The following EFEMP1 variants were observed in gnomAD, a reference collection of about 807,000 sequenced individuals.
EFEMP1 encodes the protein EGF-containing fibulin-like extracellular matrix protein 1.
EFEMP1 carries 18 observed loss-of-function variants against 65.7 expected under a neutral mutation model. That is an observed-to-expected ratio of 0.27 (90% CI 0.19 to 0.41). The LOEUF is 0.41. Ranked by LOEUF, EFEMP1 falls within the 10% of genes least tolerant of loss-of-function variation. The pLI is 1.00. For synonymous variants in EFEMP1, 237 were observed against 219.7 expected (o/e 1.08, Z -0.70); for missense variants, 469 against 624.8 (o/e 0.75, Z 2.66).
At chr2:55,905,725 A>AAAGTGC (rs1670236248) in intron 5 of EFEMP1, among the ~76,000 whole-genome samples, 1 of 152,192 alleles carries the variant, frequency 6.6e-6, no homozygotes, top group East Asian at 1.9e-4. Context: ...CTGGGATTAC[A>AAAGTGC]GGTGTGAGCC....
At position 55,883,745 on chromosome 2, in the gene EFEMP1, G is replaced by T. The variant is rs1410636992; in HGVS notation, c.518-2011C>A. ...TCTTGTTGCTCATTTCTTAGTGTCT[G>T]ATAAATAGGCTAACATTTCCAGTGG... On this transcript the variant is annotated intron_variant, in intron 5 of 11. Coordinates refer to ENST00000355426, the MANE Select transcript of EFEMP1 (RefSeq NM_001039348.3). The surrounding 1 kb of genome is among the most constrained non-coding windows in gnomAD (Gnocchi z 4.5). 2.0e-5 allele frequency among the ~76,000 whole-genome samples: 3 copies of T among 152,098 alleles called. No individual in the cohort carries two copies. The highest frequency in any genetic ancestry group is 7.2e-5 in the African/African-American group (3 of 41,398).
intron 5 of EFEMP1, among the ~76,000 whole-genome samples, chr2:55,900,410 AT>A (rs2104423781): frequency 6.6e-6 from 1 of 151,374 alleles, no homozygotes; most frequent in Admixed American, 6.6e-5. Flanking sequence ...GCACCCATTT[AT>A]CCCACAACCC....
In EFEMP1 at chr2:55,923,691, C is replaced by A; in HGVS notation, c.-49+20G>T. The stretch of plus-strand genomic sequence containing the variant: ...GAGTACTGGGCTCGCTCGGGGCGAC[C>A]CCCCGTTGGGGGCTCCTACCTGTGC... On this transcript the variant is annotated intron_variant, in intron 1 of 11. Transcript: ENST00000355426. This position sits in a 1 kb window ranked among gnomAD's most constrained non-coding sequence, Gnocchi z 5.3. 1 of 985,732 alleles carries A rather than the reference C, an allele frequency of 1.0e-6. No individual in the cohort carries two copies. Among genetic ancestry groups the A allele is most frequent in the East Asian group, 1.1e-4 (1 of 8,762 alleles). The allele number at this position is 985,732 out of a possible 1,614,324, so 61.1% of individuals were successfully genotyped here.
chr2:55,874,731 AT>A (rs1233743893), intron 9 of EFEMP1, among the ~76,000 whole-genome samples: 7 of 152,062 alleles, frequency 4.6e-5, no homozygotes, highest in African/African-American at 1.4e-4. Context: ...TTTTATTAAA[AT>A]TATTTATCTT....
Position 55,877,216 on chromosome 2 carries a change from T to A in EFEMP1, c.761-474A>T, listed in dbSNP as rs546692890. ...TTAAATGGGTTCTGTTAAATTCCAT[T>A]ACAATTATAACATAAGCCTTTGAGA... On this transcript the variant is annotated intron_variant, in intron 7 of 11. Transcript: ENST00000355426. The surrounding 1 kb of genome is among the most constrained non-coding windows in gnomAD (Gnocchi z 4.5). 1.7e-4 allele frequency among the ~76,000 whole-genome samples: 26 copies of A among 152,320 alleles called. No individual in the cohort carries two copies. The South Asian group carries it at 5.4e-3, about 32-fold the overall frequency.
chr2:55,887,428 G>A (rs2104401620), intron 5 of EFEMP1, among the ~76,000 whole-genome samples: 1 of 152,126 alleles, frequency 6.6e-6, no homozygotes, highest in African/African-American at 2.4e-5. Flanking sequence ...CAAGTTTTCT[G>A]TTTCCCTCCC....
intron 5 of EFEMP1, among the ~76,000 whole-genome samples, chr2:55,900,699 T>C (rs115905791): frequency 0.021 from 3,167 of 152,320 alleles, 58 homozygotes; most frequent in South Asian, 0.071. Flanking sequence ...ATCTGGCTAC[T>C]AGAGTATTCT....
intron 5 of EFEMP1, among the ~76,000 whole-genome samples, chr2:55,905,457 G>T (rs913760800): frequency 1.1e-4 from 17 of 151,634 alleles, no homozygotes; most frequent in South Asian, 2.1e-4. Flanking sequence ...ATTCTTTTTT[G>T]TGTGTGTGTG....
chr2:55,881,914 C>G (rs1268662376), intron 5 of EFEMP1, among the ~76,000 whole-genome samples, 180 bp from the exon 6 acceptor site: 1 of 152,092 alleles, frequency 6.6e-6, no homozygotes, highest in East Asian at 1.9e-4. Flanking sequence ...TTTGCAAATA[C>G]CAGTGAGTAC....
chr2:55,876,230 A>C (rs935975111), intron 8 of EFEMP1, among the ~76,000 whole-genome samples: 7 of 152,020 alleles, frequency 4.6e-5, no homozygotes, highest in African/African-American at 1.7e-4. Context: ...CTGAAACTTA[A>C]ATGTGCACAC....
At chr2:55,876,417 C>T (rs1669037310) in intron 8 of EFEMP1, among the ~76,000 whole-genome samples, 1 of 152,128 alleles carries the variant, frequency 6.6e-6, no homozygotes, top group African/African-American at 2.4e-5. Context: ...CAGCCTGCAC[C>T]TAATATTTCA....
At chr2:55,875,773 ATGACAGCTTGGCAGGATC>A (rs770424453) in intron 8 of EFEMP1, among the ~76,000 whole-genome samples, 6 of 152,130 alleles carry the variant, frequency 3.9e-5, no homozygotes, top group Non-Finnish European at 7.4e-5. Flanking sequence ...AGCTTCCAGA[ATGACAGCTTGGCAGGATC>A]TGACTTTCAG....
intron 5 of EFEMP1, among the ~76,000 whole-genome samples, chr2:55,894,449 G>A (rs1419233237): frequency 6.6e-6 from 1 of 152,004 alleles, no homozygotes; most frequent in African/African-American, 2.4e-5. Context: ...TAATAACAAA[G>A]CTTAGAGTTA....
At position 55,904,966 on chromosome 2, in the gene EFEMP1, C is replaced by CTTTTTTTTTTT. The variant is rs796758221; in HGVS notation, c.517+12688_517+12698dup. Among the ~76,000 whole-genome samples the CTTTTTTTTTTT allele has an allele frequency of 1.8e-3, 128 of 70,514 alleles. 2 individuals are homozygous for CTTTTTTTTTTT. Among genetic ancestry groups the CTTTTTTTTTTT allele is most frequent in the South Asian group, 4.3e-3 (8 of 1,852 alleles). The allele number at this position is 70,514 out of a possible 152,430, so 46.3% of individuals were successfully genotyped here. On this transcript the variant is annotated intron_variant, in intron 5 of 11. Transcript: ENST00000355426. The stretch of plus-strand genomic sequence containing the variant: ...TTTCTTCTCTTCTAAGGGATAGTGG[C>CTTTTTTTTTTT]TTTTTTTTTTTTCTTTTTCTTTTTT...
Position 55,877,594 on chromosome 2 carries a change from C to T in EFEMP1, c.760+152G>A, listed in dbSNP as rs1669085631. On this transcript the variant is annotated intron_variant, in intron 7 of 11. Coordinates refer to ENST00000355426, the MANE Select transcript of EFEMP1 (RefSeq NM_001039348.3). The surrounding 1 kb of genome is among the most constrained non-coding windows in gnomAD (Gnocchi z 4.5). The stretch of plus-strand genomic sequence containing the variant: ...TCACATCTTGATGTGTTTTAAGACA[C>T]AGATTGGTTATTATCTTTTAAGCTT... 1 of 1,250,886 alleles carries T rather than the reference C, an allele frequency of 8.0e-7. No individual in the cohort carries two copies. The highest frequency in any genetic ancestry group is 1.5e-5 in the African/African-American group (1 of 66,160). 77.5% of individuals were successfully genotyped at this position (1,250,886 alleles called of 1,614,324 possible). A position where few individuals can be genotyped will look rare whatever the true frequency, so the allele number is the denominator to read the frequency against.
intron 5 of EFEMP1, among the ~76,000 whole-genome samples, chr2:55,901,770 C>G (rs1670044317): frequency 6.6e-6 from 1 of 152,130 alleles, no homozygotes; most frequent in Admixed American, 6.5e-5. Flanking sequence ...TTCCAACGAA[C>G]AGTATATGGC....
intron 5 of EFEMP1, among the ~76,000 whole-genome samples, chr2:55,914,916 A>G (rs909785997): frequency 2.6e-5 from 4 of 152,192 alleles, no homozygotes; most frequent in Non-Finnish European, 5.9e-5. Flanking sequence ...GTTATAAAAT[A>G]TTATTTTGTG....
In EFEMP1 at chr2:55,867,331, A is replaced by G; in HGVS notation, c.1321-97T>C. On this transcript the variant is annotated intron_variant, in intron 11 of 11. Coordinates refer to ENST00000355426, the MANE Select transcript of EFEMP1 (RefSeq NM_001039348.3). The surrounding 1 kb of genome is among the most constrained non-coding windows in gnomAD (Gnocchi z 4.3). Reference sequence around the variant, plus strand: ...TACCTCCTATAAGAATTAGGGGGAGAATTTTGAAGGTGGTATAAAAGAGCC... The same window carrying G: ...TACCTCCTATAAGAATTAGGGGGAGGATTTTGAAGGTGGTATAAAAGAGCC... 7.3e-7 allele frequency: 1 copy of G among 1,375,844 alleles called. No homozygotes were observed. The highest frequency in any genetic ancestry group is 9.9e-7 in the Non-Finnish European group (1 of 1,005,716). 85.2% of individuals were successfully genotyped at this position (1,375,844 alleles called of 1,614,324 possible). A position where few individuals can be genotyped will look rare whatever the true frequency, so the allele number is the denominator to read the frequency against.
chr2:55,888,334 CTTTTT>C (rs71713705), intron 5 of EFEMP1, among the ~76,000 whole-genome samples: 4 of 114,308 alleles, frequency 3.5e-5, no homozygotes, highest in Admixed American at 9.2e-5. Flanking sequence ...CCTTCTTAAA[CTTTTT>C]TTTTTTTTTT....
Sources: allele counts gnomAD v4.1 joint callset (sites outside exome capture counted in the v4.1 genomes callset), GRCh38; gene constraint gnomAD v4.1.1; non-coding constraint Gnocchi (gnomAD v3.1); transcripts MANE v1.5; gene names NCBI Gene and HGNC (gene_info 2026-07-23, HGNC 2026-07-21).